Variants in GPRASP3 observed in about 807,000 individuals in gnomAD.
GPRASP3 encodes G protein-coupled receptor associated sorting protein 3.
chrX:102,741,098 A>T, the GPRASP3 span, among the ~76,000 whole-genome samples: 6 of 111,545 alleles, frequency 5.4e-5, no homozygotes, highest in Non-Finnish European at 1.1e-4. Flanking sequence ...AGCAACCTCA[A>T]TTCTTGCCTC....
At chrX:102,728,455 G>A in the GPRASP3 span, among the ~76,000 whole-genome samples, 5 of 110,048 alleles carry the variant, frequency 4.5e-5, no homozygotes, top group South Asian at 7.9e-4. Context: ...TAAATTTCCT[G>A]TACCTGGGAG....
chrX:102,732,718 A>G, the GPRASP3 span, among the ~76,000 whole-genome samples: 38 of 112,464 alleles, frequency 3.4e-4, no homozygotes, highest in Non-Finnish European at 5.8e-4. Flanking sequence ...GATTATTTGC[A>G]TAAAGCCCAG....
the GPRASP3 span, among the ~76,000 whole-genome samples, chrX:102,742,186 C>A: frequency 1.4e-3 from 155 of 112,341 alleles, no homozygotes; most frequent in African/African-American, 4.9e-3. Flanking sequence ...AGAGATCAGA[C>A]CTTACCAACT....
At chrX:102,724,718 G>GGTGTGTGTGTGT in the GPRASP3 span, among the ~76,000 whole-genome samples, 105 of 98,829 alleles carry the variant, frequency 1.1e-3, no homozygotes, top group African/African-American at 2.7e-3. Context: ...CAGGGTGACT[G>GGTGTGTGTGTGT]GTGTGTGTGT....
the GPRASP3 span, among the ~76,000 whole-genome samples, chrX:102,742,467 G>A: frequency 3.6e-5 from 4 of 112,080 alleles, no homozygotes; most frequent in Non-Finnish European, 5.6e-5. Flanking sequence ...ATTGCTCCTG[G>A]GAATAACATC....
At chrX:102,750,899 T>C in the GPRASP3 span, 1 of 257,208 alleles carries the variant, frequency 3.9e-6, no homozygotes, top group East Asian at 6.3e-5. Flanking sequence ...GCTAACTTGT[T>C]CATTAGTATC....
chrX:102,732,527 CA>C, the GPRASP3 span, among the ~76,000 whole-genome samples: 13 of 111,918 alleles, frequency 1.2e-4, no homozygotes, highest in Non-Finnish European at 2.4e-4. Context: ...CAGGAATAAG[CA>C]GGGTTAGTCC....
the GPRASP3 span, among the ~76,000 whole-genome samples, chrX:102,746,540 C>T: frequency 8.9e-6 from 1 of 112,623 alleles, no homozygotes; most frequent in Non-Finnish European, 1.9e-5. Flanking sequence ...TTGTGGGGGG[C>T]TCCCGGGAAG....
chrX:102,734,445 C>T, the GPRASP3 span, among the ~76,000 whole-genome samples: 8 of 111,499 alleles, frequency 7.2e-5, no homozygotes, highest in South Asian at 2.3e-3. Flanking sequence ...GGCGAAACCC[C>T]GTCTCTACTA....
chrX:102,743,814 C>A, the GPRASP3 span, among the ~76,000 whole-genome samples: 5 of 109,561 alleles, frequency 4.6e-5, no homozygotes, highest in Middle Eastern at 4.7e-3. Context: ...CTGGATGGGG[C>A]CTCAGGAGCA....
the GPRASP3 span, among the ~76,000 whole-genome samples, chrX:102,733,084 T>C: frequency 2.7e-5 from 3 of 112,324 alleles, no homozygotes; most frequent in African/African-American, 9.7e-5. Context: ...AAACAACCAG[T>C]TTCTCCCATT....
chrX:102,731,584 C>T, the GPRASP3 span, among the ~76,000 whole-genome samples: 1 of 108,934 alleles, frequency 9.2e-6, no homozygotes. Context: ...GAGCTGAGAT[C>T]ACGCCACTCC....
the GPRASP3 span, chrX:102,753,449 A>G: frequency 8.1e-6 from 1 of 123,403 alleles, no homozygotes; most frequent in Non-Finnish European, 1.9e-5. Flanking sequence ...ATTTGTGTAC[A>G]AGTGTTTTTA....
At chrX:102,745,808 G>T in the GPRASP3 span, among the ~76,000 whole-genome samples, 1 of 111,385 alleles carries the variant, frequency 9.0e-6, no homozygotes, top group East Asian at 2.9e-4. Context: ...TGTGGTGGTG[G>T]TGGTCGCCAC....
the GPRASP3 span, chrX:102,748,839 TG>T: frequency 1.9e-6 from 1 of 534,142 alleles, no homozygotes; most frequent in Non-Finnish European, 3.0e-6. Context: ...GCTGTATGTT[TG>T]GAAAGAGAAC....
At chrX:102,735,698 G>A in the GPRASP3 span, among the ~76,000 whole-genome samples, 26 of 112,218 alleles carry the variant, frequency 2.3e-4, no homozygotes, top group South Asian at 3.7e-3. Context: ...GCGAGCCACC[G>A]CGCCCGGCTG....
chrX:102,735,571 T>A, the GPRASP3 span, among the ~76,000 whole-genome samples: 1 of 103,217 alleles, frequency 9.7e-6, no homozygotes, highest in Non-Finnish European at 2.0e-5. Flanking sequence ...ACCTGGCTAA[T>A]TTTTTTTTTT....
the GPRASP3 span, among the ~76,000 whole-genome samples, chrX:102,732,405 G>A: frequency 9.1e-6 from 1 of 110,005 alleles, no homozygotes; most frequent in African/African-American, 3.3e-5. Flanking sequence ...CTGTAGAAGG[G>A]TGTCTCTTGA....
chrX:102,749,910 T>A, the GPRASP3 span: 7 of 1,207,205 alleles, frequency 5.8e-6, no homozygotes, highest in Non-Finnish European at 7.8e-6. Context: ...GGGAGGTAAA[T>A]GGGATTAAGC....
Sources: gnomAD v4.1 joint callset for allele counts (sites outside exome capture counted in the v4.1 genomes callset) on GRCh38, gnomAD v4.1.1 for gene constraint, MANE v1.5 for transcripts, NCBI Gene and HGNC (gene_info 2026-07-23, HGNC 2026-07-21) for gene names.